PTPRT: variants seen among roughly 807,000 people sequenced by gnomAD.
PTPRT encodes the protein receptor-type tyrosine-protein phosphatase T.
In PTPRT, 56 loss-of-function variants were observed where a neutral mutation model predicts 176.8. The observed-to-expected ratio is 0.32, with a 90% CI of 0.26 to 0.40. The LOEUF (loss-of-function observed/expected upper bound fraction) is 0.40, where lower values mean the gene tolerates loss of function less well. Among genes scored for constraint, PTPRT ranks in the 10% least tolerant of loss-of-function variants. PTPRT has a pLI of 1.00. For missense variants in PTPRT, 1,540 were observed against 1,908.2 expected, an observed-to-expected ratio of 0.81 and a Z score of 3.60; for synonymous variants, 783 against 739.0, an observed-to-expected ratio of 1.06 and a Z score of -0.96.
chr20:42,688,204 G>A (rs2075731837), intron 6 of PTPRT: 5 of 152,268 alleles, frequency 3.3e-5, no homozygotes. Flanking sequence ...CAAGGTCCTT[G>A]TAGCATCATT....
At chr20:42,059,482 G>A in the PTPRT span, among the ~76,000 whole-genome samples, 37 of 152,314 alleles carry the variant, frequency 2.4e-4, no homozygotes, top group Non-Finnish European at 4.4e-4. Flanking sequence ...TACCTGCCAT[G>A]CAGTACTATA....
intron 1 of PTPRT, among the ~76,000 whole-genome samples, chr20:43,093,590 AT>A (rs2011978153): frequency 6.6e-6 from 1 of 152,138 alleles, no homozygotes; most frequent in Non-Finnish European, 1.5e-5. Context: ...CAGTCTTCCA[AT>A]TTCTTCCACA....
intron 1 of PTPRT, among the ~76,000 whole-genome samples, chr20:43,074,535 G>A (rs1398218858): frequency 6.6e-6 from 1 of 152,162 alleles, no homozygotes; most frequent in East Asian, 1.9e-4. Flanking sequence ...AAGTTTGCTC[G>A]TGCATTTATT....
intron 15 of PTPRT, among the ~76,000 whole-genome samples, chr20:42,228,340 A>T (rs1004183173): frequency 1.3e-5 from 2 of 152,226 alleles, no homozygotes; most frequent in African/African-American, 4.8e-5. Context: ...CCTCTGACTT[A>T]CAGATTTGCT....
chr20:42,116,029 G>A (rs1270847791), intron 21 of PTPRT: 1 of 721,062 alleles, frequency 1.4e-6, no homozygotes, highest in Admixed American at 2.0e-5. Context: ...AAGAACAAAA[G>A]CATGATTACC....
rs550018478 is a variant in PTPRT at position 42,075,752 on chromosome 20, A to T, written c.*5127T>A. The T allele has an allele frequency of 4.9e-3, 1,006 of 203,884 alleles. 4 individuals carry two copies. The highest frequency in any genetic ancestry group is 7.6e-3 in the Non-Finnish European group (759 of 99,556). 12.6% of individuals were successfully genotyped at this position (203,884 alleles called of 1,614,324 possible). ...AAGGGGTTCCCACCAGCGACGAGGA[A>T]ATGTAGATCCTGGTGAGGACTTACA... On this transcript the variant is annotated 3_prime_UTR_variant, in exon 31 of 31. Transcript: ENST00000373187.
chr20:42,212,153 G>A (rs1414511948), intron 15 of PTPRT, among the ~76,000 whole-genome samples: 70 of 103,138 alleles, frequency 6.8e-4, no homozygotes, highest in African/African-American at 2.2e-3. Flanking sequence ...GTTGTGGGGT[G>A]GGGGGAGGGG....
At chr20:42,951,336 A>G (rs1981234787) in intron 1 of PTPRT, among the ~76,000 whole-genome samples, 1 of 151,198 alleles carries the variant, frequency 6.6e-6, no homozygotes, top group African/African-American at 2.4e-5. Context: ...ATGGATGGGC[A>G]GATGAATGGG....
chr20:42,421,734 C>G (rs141352878), intron 9 of PTPRT, among the ~76,000 whole-genome samples: 49 of 151,946 alleles, frequency 3.2e-4, no homozygotes, highest in Non-Finnish European at 1.2e-4. Context: ...CACTAAAAAC[C>G]CTGAATAGCC....
intron 1 of PTPRT, among the ~76,000 whole-genome samples, chr20:43,107,223 A>C (rs931812237): frequency 6.6e-6 from 1 of 152,226 alleles, no homozygotes; most frequent in South Asian, 2.1e-4. Flanking sequence ...GAGTCAAATA[A>C]GGAAGAAAAT....
At chr20:42,273,141 A>T (rs1248600159) in intron 13 of PTPRT, among the ~76,000 whole-genome samples, 2 of 152,160 alleles carry the variant, frequency 1.3e-5, no homozygotes, top group African/African-American at 2.4e-5. Flanking sequence ...CTTACAAGCC[A>T]GGTATTATAT....
Position 42,985,769 on chromosome 20 carries a change from A to C in PTPRT, c.89-99837T>G, listed in dbSNP as rs1276231109. On this transcript the variant is annotated intron_variant, in intron 1 of 30. Coordinates refer to ENST00000373187, the MANE Select transcript of PTPRT (RefSeq NM_007050.6). Reference sequence around the variant, plus strand: ...AGAATGGTCAGACTCAGCCTCACTGAGAAGATGTTCAAAGTCTAGCGGGGG... The same window carrying C: ...AGAATGGTCAGACTCAGCCTCACTGCGAAGATGTTCAAAGTCTAGCGGGGG... Among the ~76,000 whole-genome samples, 6 of 152,158 alleles carry C rather than the reference A, an allele frequency of 3.9e-5. No homozygotes were observed. In the East Asian group the frequency reaches 1.2e-3, roughly 29 times the overall value.
the PTPRT span, among the ~76,000 whole-genome samples, chr20:42,044,946 T>C: frequency 1.4e-3 from 208 of 152,348 alleles, no homozygotes; most frequent in Non-Finnish European, 2.3e-3. Context: ...CTGCATTTCT[T>C]GGCTTATTGC....
chr20:42,519,628 CAGATAT>C (rs1467233850), intron 7 of PTPRT, among the ~76,000 whole-genome samples: 5 of 151,894 alleles, frequency 3.3e-5, no homozygotes, highest in African/African-American at 1.2e-4. Flanking sequence ...GATAGACAGA[CAGATAT>C]AGATATTGAT....
intron 1 of PTPRT, among the ~76,000 whole-genome samples, chr20:43,146,091 T>C (rs914139990): frequency 6.6e-6 from 1 of 152,208 alleles, no homozygotes; most frequent in African/African-American, 2.4e-5. Context: ...GAGCATATAT[T>C]AGAAAAGTCG....
At position 42,525,313 on chromosome 20, in the gene PTPRT, A is replaced by G. The variant is rs114535432; in HGVS notation, c.1154-52751T>C. 3.6e-3 allele frequency among the ~76,000 whole-genome samples: 552 copies of G among 152,242 alleles called. 6 individuals are homozygous for G. The highest frequency in any genetic ancestry group is 0.013 in the African/African-American group (525 of 41,548). On this transcript the variant is annotated intron_variant, in intron 7 of 30. Coordinates refer to ENST00000373187, the MANE Select transcript of PTPRT (RefSeq NM_007050.6). ...TCTTTTATTTCTGTAAATGTTTTAA[A>G]TATTTTTTCCATATTTGGTCATTCA...
chr20:42,205,348 T>C (rs1490188670), intron 15 of PTPRT, among the ~76,000 whole-genome samples: 1 of 152,236 alleles, frequency 6.6e-6, no homozygotes, highest in Non-Finnish European at 1.5e-5. Context: ...TCTTTGCTCA[T>C]TAATTTGTTG....
chr20:42,682,740 G>A (rs948443786), intron 6 of PTPRT, among the ~76,000 whole-genome samples: 1 of 152,106 alleles, frequency 6.6e-6, no homozygotes. Flanking sequence ...GGGCAGCAGC[G>A]GCCCTGAGCT....
chr20:43,053,323 C>T (rs1030796585), intron 1 of PTPRT, among the ~76,000 whole-genome samples: 5 of 152,186 alleles, frequency 3.3e-5, no homozygotes, highest in South Asian at 2.1e-4. Flanking sequence ...TGGATCATGG[C>T]GGCTGACTCC....
Sources: allele counts gnomAD v4.1 joint callset (sites outside exome capture counted in the v4.1 genomes callset), GRCh38; gene constraint gnomAD v4.1.1; transcripts MANE v1.5; gene names NCBI Gene and HGNC (gene_info 2026-07-23, HGNC 2026-07-21).